The following PROSER2 variants were observed in gnomAD, a reference collection of about 807,000 sequenced individuals.
The protein encoded by PROSER2 is proline and serine-rich protein 2.
PROSER2 carries 18 observed loss-of-function variants against 14.6 expected under a neutral mutation model. The observed-to-expected ratio is 1.23, with a 90% CI of 0.85 to 1.83. The LOEUF (loss-of-function observed/expected upper bound fraction) is 1.83. PROSER2 is among the 40% of genes most tolerant of loss of function. The pLI, the probability that PROSER2 is intolerant of heterozygous loss-of-function variation, is 0.00. For synonymous variants in PROSER2, 367 were observed against 286.4 expected (o/e 1.28, Z -2.84); for missense variants, 823 against 629.8 (o/e 1.31, Z -3.28).
chr10:11,869,794 G>C lies in PROSER2; in HGVS notation c.696G>C (p.Gly232=). The change falls in exon 4 of 4, where the codon GGG becomes GGC. Residue 232 remains glycine, a synonymous_variant. Transcript: ENST00000277570. This position sits in a 1 kb window ranked among gnomAD's most constrained non-coding sequence, Gnocchi z 4.4. ...PGEWRTPAAR[G]PRSGDPGPGP... is the part of the protein sequence containing the mutation. ...AGTGGAGGACACCTGCCGCCCGGGG[G>C]CCCCGCAGTGGAGACCCTGGCCCGG... 1 of 1,554,396 alleles carries C rather than the reference G, an allele frequency of 6.4e-7. No homozygotes were observed. The highest frequency in any genetic ancestry group is 8.7e-7 in the Non-Finnish European group (1 of 1,151,824).
chr10:11,859,043 T>C (rs1325903453), intron 2 of PROSER2, among the ~76,000 whole-genome samples: 1 of 137,516 alleles, frequency 7.3e-6, no homozygotes, highest in African/African-American at 2.7e-5. Flanking sequence ...GGAGAGATGG[T>C]TTCCTAGCCT....
intron 1 of PROSER2, among the ~76,000 whole-genome samples, chr10:11,826,468 G>T (rs1833614833): frequency 6.6e-6 from 1 of 152,190 alleles, no homozygotes; most frequent in Non-Finnish European, 1.5e-5. Context: ...TTCTATAGCA[G>T]CTGTACCATT....
chr10:11,867,589 A>C (rs1229898908), intron 3 of PROSER2, among the ~76,000 whole-genome samples: 1 of 152,196 alleles, frequency 6.6e-6, no homozygotes. Flanking sequence ...GTGCTACTGC[A>C]CTCCAGCCTG....
chr10:11,826,842 A>G (rs556048656), intron 1 of PROSER2, among the ~76,000 whole-genome samples: 3 of 148,020 alleles, frequency 2.0e-5, no homozygotes, highest in Admixed American at 6.8e-5. Flanking sequence ...GGCCTCCCAA[A>G]GTGCTGGGAT....
At chr10:11,861,784 C>T (rs571803627) in intron 2 of PROSER2, among the ~76,000 whole-genome samples, 1 of 152,262 alleles carries the variant, frequency 6.6e-6, no homozygotes, top group South Asian at 2.1e-4. Context: ...CACTACCTGG[C>T]CCTTTACCAA....
In PROSER2 at chr10:11,870,107, CG is replaced by C; in HGVS notation, c.1013del (p.Gly338AlafsTer15). The C allele has an allele frequency of 7.6e-7, 1 of 1,324,284 alleles. No homozygotes were observed. The highest frequency in any genetic ancestry group is 9.6e-7 in the Non-Finnish European group (1 of 1,039,900). 82.0% of individuals were successfully genotyped at this position (1,324,284 alleles called of 1,614,324 possible). On this transcript the variant is annotated frameshift_variant, in exon 4 of 4. Transcript: ENST00000277570. LOFTEE classifies it low-confidence loss of function (END_TRUNC). ...TCTCCGGGCAGGGGGTCAGGCTCCG[CG>C]GGGCCCGGCGCTGGCCAACGGCTTC... The part of the protein sequence containing the change: ...ESLRAGGQAP[R>X]GPALANGFPS...
intron 2 of PROSER2, among the ~76,000 whole-genome samples, chr10:11,858,023 C>G (rs761741553): frequency 4.6e-5 from 7 of 152,178 alleles, no homozygotes; most frequent in Non-Finnish European, 8.8e-5. Context: ...CAACCTCTGC[C>G]TCCTGGGTTC....
Position 11,870,252 on chromosome 10 carries a change from G to A in PROSER2, c.1154G>A (p.Gly385Glu), listed in dbSNP as rs372530346. The A allele has an allele frequency of 4.9e-4, 723 of 1,487,452 alleles. 4 individuals carry two copies. In the South Asian group the frequency reaches 8.5e-3, roughly 17 times the overall value. 92.1% of individuals were successfully genotyped at this position (1,487,452 alleles called of 1,614,324 possible). The change falls in exon 4 of 4, where the codon GGG becomes GAG. Residue 385 changes from glycine to glutamate, a missense_variant. Gly to Glu is a moderately conservative substitution (Grantham distance 98). Coordinates refer to ENST00000277570, the MANE Select transcript of PROSER2 (RefSeq NM_153256.4). Reference sequence around the variant, plus strand: ...ACGCGGGCCCGTCAGAGCTTCCCCGGGCCCCGGCAGCCCAACGGCGCCCAG... The same window carrying A: ...ACGCGGGCCCGTCAGAGCTTCCCCGAGCCCCGGCAGCCCAACGGCGCCCAG... ...PSTRARQSFP[G>E]PRQPNGAQDW...
intron 1 of PROSER2, among the ~76,000 whole-genome samples, chr10:11,842,901 C>T (rs1833864411): frequency 1.5e-5 from 2 of 135,924 alleles, no homozygotes; most frequent in South Asian, 4.8e-4. Context: ...AAACAGAACT[C>T]CTCATTTTCT....
chr10:11,858,856 C>G (rs1588496277), intron 2 of PROSER2, among the ~76,000 whole-genome samples: 2 of 150,640 alleles, frequency 1.3e-5, no homozygotes, highest in South Asian at 4.2e-4. Flanking sequence ...TAAAAATAAA[C>G]AAGTTAGCTG....
chr10:11,866,837 C>A lies in PROSER2; in HGVS notation c.391+54C>A. ...ATGTGGTTTCCTGGTGTCTGTGAGA[C>A]CCAGAGATACTTCTTTTGTGTTCCC... On this transcript the variant is annotated intron_variant, in intron 3 of 3. Coordinates refer to ENST00000277570, the MANE Select transcript of PROSER2 (RefSeq NM_153256.4). This position sits in a 1 kb window ranked among gnomAD's most constrained non-coding sequence, Gnocchi z 6.0. 6.4e-7 allele frequency: 1 copy of A among 1,557,798 alleles called. No individual in the cohort carries two copies. The highest frequency in any genetic ancestry group is 8.7e-7 in the Non-Finnish European group (1 of 1,155,956).
chr10:11,854,515 T>G (rs777776807), intron 2 of PROSER2, among the ~76,000 whole-genome samples: 9 of 152,194 alleles, frequency 5.9e-5, no homozygotes, highest in Non-Finnish European at 1.3e-4. Flanking sequence ...CTTGCTATGT[T>G]GAACAGGCTG....
chr10:11,865,256 T>TTTTCA lies in PROSER2; in HGVS notation c.139-1271_139-1267dup, dbSNP rs1834322332. 1.3e-5 allele frequency among the ~76,000 whole-genome samples: 2 copies of TTTTCA among 152,174 alleles called. No homozygotes were observed. The highest frequency in any genetic ancestry group is 4.8e-5 in the African/African-American group (2 of 41,448). ...TTTATCTTTTAGGCTTTTATTTAGT[T>TTTTCA]TTTCATTTTTTTGTGCTGTTAGTAT... On this transcript the variant is annotated intron_variant, in intron 2 of 3. Transcript: ENST00000277570. The surrounding 1 kb of genome is among the most constrained non-coding windows in gnomAD (Gnocchi z 4.2).
In PROSER2 at chr10:11,869,269, C is replaced by T; in HGVS notation, c.392-221C>T. 1 of 593,892 alleles carries T rather than the reference C, an allele frequency of 1.7e-6. No individual in the cohort carries two copies. The highest frequency in any genetic ancestry group is 2.0e-5 in the South Asian group (1 of 50,240). The allele number at this position is 593,892 out of a possible 1,614,324, so 36.8% of individuals were successfully genotyped here. On this transcript the variant is annotated intron_variant, in intron 3 of 3. Coordinates refer to ENST00000277570, the MANE Select transcript of PROSER2 (RefSeq NM_153256.4). This position sits in a 1 kb window ranked among gnomAD's most constrained non-coding sequence, Gnocchi z 4.4. The stretch of plus-strand genomic sequence containing the variant: ...GGTGTGGACTGTCTGACTTGCAGGG[C>T]TATCGTGATTGTCCCTTATCAGCGT...
intron 1 of PROSER2, among the ~76,000 whole-genome samples, chr10:11,829,291 A>G (rs959371523): frequency 2.0e-5 from 3 of 151,712 alleles, no homozygotes; most frequent in Admixed American, 6.6e-5. Flanking sequence ...AAGTTTTTTA[A>G]AAGTATTACA....
chr10:11,862,420 A>G lies in PROSER2; in HGVS notation c.139-4111A>G, dbSNP rs958232966. On this transcript the variant is annotated intron_variant, in intron 2 of 3. Coordinates refer to ENST00000277570, the MANE Select transcript of PROSER2 (RefSeq NM_153256.4). The surrounding 1 kb of genome is among the most constrained non-coding windows in gnomAD (Gnocchi z 4.2). ...TCAAGACTTACTATAGAATGGGCAC[A>G]GTGGCTCATGCCTACAATAACACCA... 8.5e-5 allele frequency among the ~76,000 whole-genome samples: 13 copies of G among 152,250 alleles called. No individual in the cohort carries two copies. The highest frequency in any genetic ancestry group is 2.2e-4 in the African/African-American group (9 of 41,466).
chr10:11,832,343 A>G (rs1365963186), intron 1 of PROSER2, among the ~76,000 whole-genome samples: 2 of 152,172 alleles, frequency 1.3e-5, no homozygotes, highest in Non-Finnish European at 2.9e-5. Flanking sequence ...TTTTTCTTGA[A>G]ATTGAGAAAT....
intron 1 of PROSER2, among the ~76,000 whole-genome samples, chr10:11,829,595 G>A (rs1833663534): frequency 6.6e-6 from 1 of 151,446 alleles, no homozygotes; most frequent in Non-Finnish European, 1.5e-5. Context: ...AAAAAAAAGA[G>A]TGTTGTGCTA....
intron 3 of PROSER2, among the ~76,000 whole-genome samples, chr10:11,868,311 T>TC (rs936587349): frequency 7.2e-5 from 11 of 152,352 alleles, no homozygotes; most frequent in African/African-American, 2.2e-4. Flanking sequence ...GAACTCTCTC[T>TC]CCCACCCAGG....
Sources: allele counts gnomAD v4.1 joint callset (sites outside exome capture counted in the v4.1 genomes callset), GRCh38; gene constraint gnomAD v4.1.1; non-coding constraint Gnocchi (gnomAD v3.1); transcripts MANE v1.5; gene names NCBI Gene and HGNC (gene_info 2026-07-23, HGNC 2026-07-21).